Variants in EDC3 observed in about 807,000 individuals in gnomAD.
EDC3 encodes the protein enhancer of mRNA-decapping protein 3.
EDC3 carries 20 observed loss-of-function variants against 41.8 expected under a neutral mutation model. The ratio of observed to expected loss-of-function variants is 0.48; its 90% CI spans 0.34 to 0.70. EDC3 has a LOEUF of 0.70. Ranked by LOEUF, EDC3 falls within the 30% of genes least tolerant of loss-of-function variation. EDC3 has a pLI of 0.01. For missense variants in EDC3, 444 were observed against 636.8 expected (o/e 0.70, Z 3.26); for synonymous variants, 206 against 243.2 (o/e 0.85, Z 1.42).
rs149888951 is a variant in EDC3, at chr15:74,675,087, T to C, written c.38A>G (p.Asn13Ser). The C allele has an allele frequency of 1.1e-4, 178 of 1,613,828 alleles. No homozygotes were observed. Among genetic ancestry groups the C allele is most frequent in the Middle Eastern group, 1.6e-4 (1 of 6,062 alleles). Reference protein sequence around the residue: ...TDWLGSIVSINCGDSLGVYQG... With the variant: ...TDWLGSIVSISCGDSLGVYQG... ...ATAGACACCCAAGCTATCTCCACAA[T>C]TGATGGACACAATACTTCCCAGCCA... is the stretch of plus-strand genomic sequence containing the variant. The change falls in exon 2 of 7, where the codon AAT (asparagine) becomes AGT (serine). Residue 13 changes from asparagine to serine, a missense_variant. By Grantham distance (46) the Asn-to-Ser change is conservative. Around this residue, in one of 3 missense-constraint regions of EDC3, gnomAD observed 200 missense variants for 244.0 expected, o/e 0.82. Transcript: ENST00000315127.
At chr15:74,633,586 C>T (rs779774899) in intron 6 of EDC3, among the ~76,000 whole-genome samples, 3 of 152,210 alleles carry the variant, frequency 2.0e-5, no homozygotes, top group Non-Finnish European at 4.4e-5. Context: ...CTGCTCTAAC[C>T]AGGCTTCTGG....
At chr15:74,646,355 G>A (rs960750105) in intron 4 of EDC3, among the ~76,000 whole-genome samples, 2 of 152,222 alleles carry the variant, frequency 1.3e-5, no homozygotes, top group South Asian at 4.1e-4. Context: ...TTACGGGCGT[G>A]AGCCACTGTG....
Position 74,635,573 on chromosome 15 carries a change from G to A in EDC3, c.1028C>T (p.Pro343Leu). 1.2e-6 allele frequency: 2 copies of A among 1,614,232 alleles called. No individual in the cohort carries two copies. Among genetic ancestry groups the A allele is most frequent in the Non-Finnish European group, 1.7e-6 (2 of 1,180,042 alleles). The change falls in exon 6 of 7, where the codon CCT (proline) becomes CTT (leucine). Residue 343 changes from proline (P) to leucine (L), a missense_variant. Coordinates refer to ENST00000315127, the MANE Select transcript of EDC3 (RefSeq NM_025083.5). ...GATACCCTGAGCCCCCTTCACATGA[G>A]GTCCACACAGTAGAGCCACTGTAGG... ...QRPTVALLCG[P>L]HVKGAQGISC...
chr15:74,652,789 A>G (rs1000403258), intron 4 of EDC3, among the ~76,000 whole-genome samples: 2 of 151,256 alleles, frequency 1.3e-5, no homozygotes, highest in Admixed American at 6.6e-5. Context: ...TTTGTTGCCC[A>G]GGCTGGTCTT....
chr15:74,685,488 A>C (rs74025821), intron 1 of EDC3, among the ~76,000 whole-genome samples: 7,302 of 152,272 alleles, frequency 0.048, 302 homozygotes, highest in African/African-American at 0.11. Context: ...TTGTTCAGTC[A>C]ATAAGAGTGC....
chr15:74,675,530 T>C (rs1431852673), intron 1 of EDC3, among the ~76,000 whole-genome samples: 1 of 150,382 alleles, frequency 6.6e-6, no homozygotes, highest in Non-Finnish European at 1.5e-5. Flanking sequence ...ATGCCACTCT[T>C]GCTGATGATG....
intron 3 of EDC3, among the ~76,000 whole-genome samples, chr15:74,657,966 C>T (rs1300565168): frequency 1.3e-5 from 2 of 152,156 alleles, no homozygotes; most frequent in Non-Finnish European, 2.9e-5. Context: ...CACTAATGCA[C>T]ATCCACAACA....
At chr15:74,646,964 C>A (rs1014072048) in intron 4 of EDC3, among the ~76,000 whole-genome samples, 7 of 150,694 alleles carry the variant, frequency 4.6e-5, no homozygotes, top group Non-Finnish European at 1.0e-4. Context: ...ACAGTGTCTG[C>A]ATATTAAATT....
At chr15:74,659,511 T>TATATATATAG (rs1346060455) in intron 3 of EDC3, among the ~76,000 whole-genome samples, 1 of 127,054 alleles carries the variant, frequency 7.9e-6, no homozygotes, top group African/African-American at 2.9e-5. Context: ...TATATATATA[T>TATATATATAG]AGGCAAATAA....
chr15:74,677,290 T>C (rs2062816738), intron 1 of EDC3, among the ~76,000 whole-genome samples: 1 of 151,746 alleles, frequency 6.6e-6, no homozygotes, highest in Non-Finnish European at 1.5e-5. Flanking sequence ...CTTGAACTCC[T>C]GACCTCATGA....
intron 4 of EDC3, among the ~76,000 whole-genome samples, chr15:74,654,030 A>T (rs2062513432): frequency 6.6e-6 from 1 of 152,228 alleles, no homozygotes; most frequent in South Asian, 2.1e-4. Flanking sequence ...AAGCAGGTGG[A>T]TCACGAGGTC....
At chr15:74,681,149 A>T (rs2062866131) in intron 1 of EDC3, among the ~76,000 whole-genome samples, 1 of 152,166 alleles carries the variant, frequency 6.6e-6, no homozygotes, top group Non-Finnish European at 1.5e-5. Flanking sequence ...AGAAACTAAA[A>T]TAGCTAAATC....
rs1303583052 is a variant in EDC3 at position 74,630,636 on chromosome 15, G to C, written c.*1976C>G. 1.3e-5 allele frequency: 2 copies of C among 152,312 alleles called. No homozygotes were observed. Among genetic ancestry groups the C allele is most frequent in the South Asian group, 4.1e-4 (2 of 4,838 alleles). 9.4% of individuals were successfully genotyped at this position (152,312 alleles called of 1,614,324 possible). ...GCATGAGTGCTAGGCTTCACCACGT[G>C]ACTGGGGGCCCCTTGGGAACTGGGT... On this transcript the variant is annotated 3_prime_UTR_variant, in exon 7 of 7. Transcript: ENST00000315127.
chr15:74,688,929 C>A (rs1427813384), intron 1 of EDC3, among the ~76,000 whole-genome samples: 1 of 148,054 alleles, frequency 6.8e-6, no homozygotes. Flanking sequence ...AAAAAAAGTA[C>A]ATTTGTGAGA....
chr15:74,674,230 G>A (rs1199267307), intron 2 of EDC3, among the ~76,000 whole-genome samples: 1 of 152,112 alleles, frequency 6.6e-6, no homozygotes, highest in Non-Finnish European at 1.5e-5. Context: ...TGAGCCCCAG[G>A]AGTAGCTGCG....
chr15:74,645,569 G>GA lies in EDC3; in HGVS notation c.821-4951_821-4950insT, dbSNP rs1233682418. 1.4e-5 allele frequency among the ~76,000 whole-genome samples: 2 copies of GA among 146,104 alleles called. 1 individual carries two copies. The highest frequency in any genetic ancestry group is 3.0e-5 in the Non-Finnish European group (2 of 66,380). ...TTTTTTTCAATAAAAAAAGTTGGGGGGGGGGGGGTGCCAGGCAGGTGGCTC... is the reference window on the plus strand; with the variant it reads ...TTTTTTTCAATAAAAAAAGTTGGGGGAGGGGGGGGTGCCAGGCAGGTGGCTC... On this transcript the variant is annotated intron_variant, in intron 4 of 6. Transcript: ENST00000315127.
At chr15:74,690,845 A>G (rs542969664) in intron 1 of EDC3, among the ~76,000 whole-genome samples, 12 of 152,136 alleles carry the variant, frequency 7.9e-5, no homozygotes, top group Admixed American at 5.2e-4. Flanking sequence ...TACTAAACCC[A>G]TATCTTCCAT....
At chr15:74,688,317 C>T (rs2062962779) in intron 1 of EDC3, among the ~76,000 whole-genome samples, 1 of 152,178 alleles carries the variant, frequency 6.6e-6, no homozygotes, top group South Asian at 2.1e-4. Flanking sequence ...TACAAGGAAC[C>T]AATCTTGTCT....
chr15:74,661,370 AAC>A (rs2062618042), intron 3 of EDC3, among the ~76,000 whole-genome samples: 1 of 152,212 alleles, frequency 6.6e-6, no homozygotes, highest in Non-Finnish European at 1.5e-5. Context: ...AAACTCTGCA[AAC>A]TATAGCTCAT....
Sources: allele counts gnomAD v4.1 joint callset (sites outside exome capture counted in the v4.1 genomes callset), GRCh38; gene constraint gnomAD v4.1.1; regional missense constraint gnomAD v4.1.1; transcripts MANE v1.5; gene names NCBI Gene and HGNC (gene_info 2026-07-23, HGNC 2026-07-21).